Variants in LRMDA observed in about 807,000 individuals in gnomAD.
The protein encoded by LRMDA is leucine-rich melanocyte differentiation-associated protein.
LRMDA carries 18 observed loss-of-function variants against 29.8 expected under a neutral mutation model. The ratio of observed to expected loss-of-function variants is 0.60; its 90% CI spans 0.42 to 0.90. The LOEUF (loss-of-function observed/expected upper bound fraction) is 0.90, where lower values mean the gene tolerates loss of function less well. Among genes scored for constraint, LRMDA ranks in the 40% least tolerant of loss-of-function variants. The pLI is 0.00. For missense variants in LRMDA, 273 were observed against 273.9 expected (o/e 1.00, Z 0.02); for synonymous variants, 125 against 109.4 (o/e 1.14, Z -0.89).
intron 5 of LRMDA, among the ~76,000 whole-genome samples, chr10:76,267,370 C>T (rs1451971456): frequency 2.0e-5 from 3 of 152,060 alleles, no homozygotes; most frequent in Admixed American, 6.6e-5. Flanking sequence ...GCATAAAATT[C>T]AGTGGCATTA....
At chr10:76,323,613 G>T (rs1161848472) in intron 5 of LRMDA, among the ~76,000 whole-genome samples, 1 of 152,138 alleles carries the variant, frequency 6.6e-6, no homozygotes, top group Non-Finnish European at 1.5e-5. Flanking sequence ...GGTTCTGAGT[G>T]ATAGCTGACC....
intron 2 of LRMDA, among the ~76,000 whole-genome samples, chr10:75,452,324 C>T (rs1235781783): frequency 1.3e-5 from 2 of 152,128 alleles, no homozygotes; most frequent in East Asian, 1.9e-4. Context: ...GTTTATCGCG[C>T]GTCTCTGTTC....
chr10:76,328,333 T>G (rs914836581), intron 6 of LRMDA, among the ~76,000 whole-genome samples: 4 of 152,238 alleles, frequency 2.6e-5, no homozygotes, highest in Admixed American at 1.3e-4. Context: ...TTCACATTTG[T>G]ACAGGGCATT....
intron 2 of LRMDA, among the ~76,000 whole-genome samples, chr10:75,694,749 T>C (rs1273140271): frequency 6.6e-6 from 1 of 152,082 alleles, no homozygotes; most frequent in East Asian, 1.9e-4. Flanking sequence ...ATCGGCTGTA[T>C]ATGGAGGGTA....
At chr10:76,139,003 C>T (rs1337817150) in intron 5 of LRMDA, among the ~76,000 whole-genome samples, 1 of 152,058 alleles carries the variant, frequency 6.6e-6, no homozygotes, top group Non-Finnish European at 1.5e-5. Flanking sequence ...CTTTCCAGTG[C>T]CCTTTAGTTT....
chr10:75,756,295 G>C (rs542653266), intron 2 of LRMDA, among the ~76,000 whole-genome samples: 1 of 152,334 alleles, frequency 6.6e-6, no homozygotes, highest in South Asian at 2.1e-4. Context: ...TCTTAAAAGA[G>C]AGCGGGTGTT....
chr10:75,924,142 G>T (rs1358007862), intron 2 of LRMDA, among the ~76,000 whole-genome samples: 1 of 152,158 alleles, frequency 6.6e-6, no homozygotes, highest in Non-Finnish European at 1.5e-5. Context: ...ATTTTAATAA[G>T]ATTCAGCTTG....
At chr10:76,113,301 G>A (rs573114898) in intron 5 of LRMDA, among the ~76,000 whole-genome samples, 1 of 152,196 alleles carries the variant, frequency 6.6e-6, no homozygotes, top group Admixed American at 6.5e-5. Context: ...GAATTGTGTG[G>A]AAGGGTGGCA....
At chr10:76,476,071 G>A (rs1259972038) in intron 6 of LRMDA, among the ~76,000 whole-genome samples, 5 of 152,050 alleles carry the variant, frequency 3.3e-5, no homozygotes, top group Admixed American at 3.3e-4. Flanking sequence ...GAAGGAGATA[G>A]AGACACAAAA....
At chr10:75,857,402 A>T (rs965567306) in intron 2 of LRMDA, among the ~76,000 whole-genome samples, 1 of 152,186 alleles carries the variant, frequency 6.6e-6, no homozygotes, top group Admixed American at 6.5e-5. Flanking sequence ...GGGTGAGAGA[A>T]GGTCCTCTTT....
At chr10:75,975,569 A>G (rs1847055751) in intron 2 of LRMDA, among the ~76,000 whole-genome samples, 1 of 152,114 alleles carries the variant, frequency 6.6e-6, no homozygotes, top group African/African-American at 2.4e-5. Context: ...CAGATTGGGT[A>G]CCCTGTTTTC....
intron 5 of LRMDA, among the ~76,000 whole-genome samples, chr10:76,156,046 A>C (rs1034479384): frequency 6.6e-6 from 1 of 152,194 alleles, no homozygotes; most frequent in Non-Finnish European, 1.5e-5. Flanking sequence ...AGGAAAAAAA[A>C]ATCACTTTCT....
chr10:76,043,355 G>A (rs1305600949), intron 3 of LRMDA, among the ~76,000 whole-genome samples: 1 of 152,118 alleles, frequency 6.6e-6, no homozygotes, highest in Non-Finnish European at 1.5e-5. Flanking sequence ...ACTAGACACA[G>A]AAGTGACTGC....
chr10:76,010,547 C>T (rs576545600), intron 2 of LRMDA, among the ~76,000 whole-genome samples: 38 of 152,272 alleles, frequency 2.5e-4, no homozygotes, highest in African/African-American at 8.7e-4. Flanking sequence ...CTCCTGACCT[C>T]GTGATCTGCC....
chr10:75,779,726 G>T (rs1843356284), intron 2 of LRMDA, among the ~76,000 whole-genome samples: 1 of 152,140 alleles, frequency 6.6e-6, no homozygotes, highest in African/African-American at 2.4e-5. Context: ...GTGACTCAGG[G>T]ATCTGGCTGG....
At chr10:75,465,733 C>A (rs754645677) in intron 2 of LRMDA, among the ~76,000 whole-genome samples, 1 of 152,202 alleles carries the variant, frequency 6.6e-6, no homozygotes, top group Non-Finnish European at 1.5e-5. Context: ...TCCTTCCCCC[C>A]TTCCCCCAAT....
intron 2 of LRMDA, among the ~76,000 whole-genome samples, chr10:75,580,113 G>A (rs542128678): frequency 1.3e-5 from 2 of 152,196 alleles, no homozygotes; most frequent in Non-Finnish European, 2.9e-5. Context: ...ATTCAATTAG[G>A]AAAAGAGGAA....
intron 3 of LRMDA, among the ~76,000 whole-genome samples, chr10:76,038,983 T>C (rs1848298554): frequency 6.6e-6 from 1 of 152,200 alleles, no homozygotes; most frequent in South Asian, 2.1e-4. Context: ...ACCTCACTCA[T>C]ATGTCTGGAG....
chr10:76,181,339 C>T (rs1296314787), intron 5 of LRMDA, among the ~76,000 whole-genome samples: 1 of 152,208 alleles, frequency 6.6e-6, no homozygotes, highest in Non-Finnish European at 1.5e-5. Flanking sequence ...CCCAGGATCT[C>T]AGTTGGCTTT....
Sources: gnomAD v4.1 joint callset for allele counts (sites outside exome capture counted in the v4.1 genomes callset) on GRCh38, gnomAD v4.1.1 for gene constraint, MANE v1.5 for transcripts, NCBI Gene and HGNC (gene_info 2026-07-23, HGNC 2026-07-21) for gene names.